The following ZIM2 variants were observed in gnomAD, a reference collection of about 807,000 sequenced individuals.
ZIM2 encodes zinc finger imprinted 2.
ZIM2 carries 14 observed loss-of-function variants against 38.6 expected under a neutral mutation model. The ratio of observed to expected loss-of-function variants is 0.36; its 90% CI spans 0.24 to 0.57. ZIM2 has a LOEUF of 0.57. Ranked by LOEUF, ZIM2 falls within the 20% of genes least tolerant of loss-of-function variation. ZIM2 has a pLI of 0.81. For missense variants in ZIM2, 680 were observed against 695.1 expected, an observed-to-expected ratio of 0.98 and a Z score of 0.24; for synonymous variants, 247 against 245.8, an observed-to-expected ratio of 1.00 and a Z score of -0.04.
intron 9 of ZIM2, among the ~76,000 whole-genome samples, chr19:56,796,360 GT>G (rs1326627160): frequency 3.3e-5 from 5 of 152,052 alleles, no homozygotes; most frequent in Non-Finnish European, 7.4e-5. Flanking sequence ...TTAAGTTGTG[GT>G]TTTTGGAACT....
intron 9 of ZIM2, chr19:56,816,466 C>T (rs2059987875): frequency 1.2e-6 from 2 of 1,613,556 alleles, no homozygotes; most frequent in East Asian, 2.2e-5. Flanking sequence ...ACACACTTTA[C>T]CCTTGTTTTC....
chr19:56,833,268 C>T (rs2061752486), intron 2 of ZIM2: 2 of 459,786 alleles, frequency 4.3e-6, no homozygotes, highest in Non-Finnish European at 4.4e-6. Context: ...CTAGATTCAG[C>T]CCCCTAACTC....
chr19:56,778,758 A>G (rs902439628), intron 12 of ZIM2, among the ~76,000 whole-genome samples: 1 of 152,194 alleles, frequency 6.6e-6, no homozygotes, highest in African/African-American at 2.4e-5. Context: ...CTACAACTGA[A>G]GGACAACAGT....
At chr19:56,823,185 A>C (rs2060668679) in intron 5 of ZIM2, among the ~76,000 whole-genome samples, 1 of 152,136 alleles carries the variant, frequency 6.6e-6, no homozygotes, top group Non-Finnish European at 1.5e-5. Flanking sequence ...CTGGCAGCCG[A>C]TCTTAAAGTA....
Position 56,775,359 on chromosome 19 carries a change from C to A in ZIM2, c.1006G>T (p.Asp336Tyr). The A allele has an allele frequency of 2.5e-6, 4 of 1,614,144 alleles. No individual in the cohort carries two copies. The highest frequency in any genetic ancestry group is 3.4e-6 in the Non-Finnish European group (4 of 1,180,034). ...SKQSKDPLGKDPQEGTAPGIC... is the reference protein window; with the variant it reads ...SKQSKDPLGKYPQEGTAPGIC... ...CCAGGAGCAGTGCCTTCCTGGGGAT[C>A]CTTTCCTAGAGGATCCTTTGATTGT... The change falls in exon 13 of 13, where the codon GAT (aspartate) becomes TAT (tyrosine). Residue 336 changes from aspartate (D) to tyrosine (Y), a missense_variant. Asp to Tyr is a radical substitution (Grantham distance 160). Coordinates refer to ENST00000629319, the MANE Select transcript of ZIM2 (RefSeq NM_001387356.1).
chr19:56,815,676 G>T (rs200041700), intron 9 of ZIM2: 1 of 1,614,164 alleles, frequency 6.2e-7, no homozygotes. Context: ...TGGGAACAGA[G>T]AATTCGCCAT....
chr19:56,808,644 C>T (rs1191666037), intron 9 of ZIM2, among the ~76,000 whole-genome samples: 1 of 152,116 alleles, frequency 6.6e-6, no homozygotes, highest in African/African-American at 2.4e-5. Flanking sequence ...AGCCTGCAGA[C>T]AGTGTATGTT....
intron 1 of ZIM2, among the ~76,000 whole-genome samples, chr19:56,839,561 C>T (rs1469134164): frequency 6.7e-6 from 1 of 150,054 alleles, no homozygotes; most frequent in African/African-American, 2.5e-5. Flanking sequence ...TCAAAGCGGG[C>T]GGGGCCTGAG....
rs2059818701 is a variant in ZIM2, at chr19:56,814,771, G to A, written c.490+2975C>T. The A allele has an allele frequency of 1.2e-6, 2 of 1,614,104 alleles. No homozygotes were observed. Among genetic ancestry groups the A allele is most frequent in the Non-Finnish European group, 1.7e-6 (2 of 1,180,030 alleles). On this transcript the variant is annotated intron_variant, in intron 9 of 12. Coordinates refer to ENST00000629319, the MANE Select transcript of ZIM2 (RefSeq NM_001387356.1). The surrounding 1 kb of genome is among the most constrained non-coding windows in gnomAD (Gnocchi z 5.8). ...TTGTCCACACAAAAGGCATCGAATG[G>A]CCGACCCAGCAAGAGCAGGATTCCT...
chr19:56,822,592 T>C, intron 6 of ZIM2, 161 bp downstream of exon 6: 1 of 889,394 alleles, frequency 1.1e-6, no homozygotes, highest in Non-Finnish European at 1.7e-6. Flanking sequence ...TGGTACCGAG[T>C]GGAACTTCAA....
chr19:56,835,097 C>T (rs1348763213), intron 2 of ZIM2, among the ~76,000 whole-genome samples: 2 of 152,142 alleles, frequency 1.3e-5, no homozygotes, highest in Non-Finnish European at 1.5e-5. Context: ...CACTTCACTC[C>T]TCCCTGTGAT....
At chr19:56,821,905 A>C in intron 6 of ZIM2, 151 bp from the exon 7 acceptor site, 1 of 815,212 alleles carries the variant, frequency 1.2e-6, no homozygotes, top group Non-Finnish European at 1.9e-6. Context: ...GCCTCTGAGG[A>C]GTCCCATAAA....
intron 2 of ZIM2, among the ~76,000 whole-genome samples, chr19:56,826,915 T>A (rs1424359096): frequency 2.0e-5 from 3 of 152,146 alleles, no homozygotes; most frequent in Non-Finnish European, 4.4e-5. Flanking sequence ...CTAACAGACA[T>A]GAATTGAAGC....
intron 1 of ZIM2, among the ~76,000 whole-genome samples, chr19:56,836,357 T>G (rs1026626032): frequency 1.3e-5 from 2 of 152,166 alleles, no homozygotes; most frequent in Admixed American, 6.5e-5. Context: ...ATTTCTGGGG[T>G]GTCTTACAAC....
At chr19:56,800,609 G>A (rs2047472131) in intron 9 of ZIM2, among the ~76,000 whole-genome samples, 1 of 152,044 alleles carries the variant, frequency 6.6e-6, no homozygotes, top group South Asian at 2.1e-4. Context: ...AAGTAAGAGA[G>A]AGAAAGAGAG....
intron 10 of ZIM2, among the ~76,000 whole-genome samples, chr19:56,785,839 T>C (rs570192248): frequency 7.2e-5 from 11 of 152,346 alleles, no homozygotes; most frequent in African/African-American, 2.4e-4. Context: ...GGGCCACAGA[T>C]GCTGTATGTC....
chr19:56,807,547 G>A (rs1479516727), intron 9 of ZIM2, among the ~76,000 whole-genome samples: 3 of 152,186 alleles, frequency 2.0e-5, no homozygotes, highest in Non-Finnish European at 4.4e-5. Flanking sequence ...AGTGGCTCAC[G>A]CCTGTAATCC....
rs185251512 is a variant in ZIM2 at position 56,824,350 on chromosome 19, G to A, written c.-73C>T. The A allele has an allele frequency of 5.6e-5, 90 of 1,614,096 alleles. 1 individual carries two copies. The South Asian group carries it at 8.7e-4, about 16-fold the overall frequency. ...GCTTTTTTGCTCGCACCCAAGGCTT[G>A]AGCTTTTCAGGGATGATGGTCAGGT... On this transcript the variant is annotated 5_prime_UTR_variant, in exon 4 of 13. Transcript: ENST00000629319.
chr19:56,817,433 G>C (rs199700994), intron 9 of ZIM2: 2 of 1,613,974 alleles, frequency 1.2e-6, no homozygotes, highest in Admixed American at 1.7e-5. Context: ...CTCTGTGACC[G>C]GTCGCTTGAC....
Sources: allele counts gnomAD v4.1 joint callset (sites outside exome capture counted in the v4.1 genomes callset), GRCh38; gene constraint gnomAD v4.1.1; non-coding constraint Gnocchi (gnomAD v3.1); transcripts MANE v1.5; gene names NCBI Gene and HGNC (gene_info 2026-07-23, HGNC 2026-07-21).